MAK16: variants seen among roughly 807,000 people sequenced by gnomAD.
MAK16 encodes the protein protein MAK16 homolog.
A neutral mutation model predicts 49.9 loss-of-function variants in MAK16; 12 were observed. The ratio of observed to expected loss-of-function variants is 0.24; its 90% confidence interval spans 0.15 to 0.39. The LOEUF (loss-of-function observed/expected upper bound fraction) is 0.39. MAK16 is among the 10% of genes least tolerant of loss of function. The pLI is 1.00. For missense variants in MAK16, 292 were observed against 363.7 expected (o/e 0.80, Z 1.60); for synonymous variants, 115 against 126.4 (o/e 0.91, Z 0.60).
Position 33,488,621 on chromosome 8 carries a change from A to G in MAK16, c.167A>G (p.Glu56Gly). The change falls in exon 3 of 10, where the codon GAA (glutamate) becomes GGA (glycine). Residue 56 changes from glutamate (E) to glycine (G), a missense_variant. Coordinates refer to ENST00000360128, the MANE Select transcript of MAK16 (RefSeq NM_032509.4). ...LANSQYATIK[E>G]EKGQCYLYMK... ...AATAGTCAGTATGCCACTATTAAAG[A>G]AGAGAAAGGTAACTCCCCAGTTTTA... 2 of 1,614,088 alleles carry G rather than the reference A, an allele frequency of 1.2e-6. No individual in the cohort carries two copies. The highest frequency in any genetic ancestry group is 1.7e-6 in the Non-Finnish European group (2 of 1,179,954).
chr8:33,487,800 A>T (rs1226125278), intron 1 of MAK16, among the ~76,000 whole-genome samples: 2 of 152,256 alleles, frequency 1.3e-5, no homozygotes, highest in Non-Finnish European at 2.9e-5. Flanking sequence ...GATTTCACAG[A>T]GTATGTCAAA....
At position 33,499,144 on chromosome 8, in the gene MAK16, C is replaced by T. The variant is rs1428324040; in HGVS notation, c.*515C>T. ...ATACAAATTGGGATGGGAAGAAAAT[C>T]CTTTCCTCTTGGGAAAGTAATACAA... On this transcript the variant is annotated 3_prime_UTR_variant, in exon 10 of 10. Transcript: ENST00000360128. The T allele has an allele frequency of 3.2e-6, 5 of 1,555,232 alleles. No homozygotes were observed. Among genetic ancestry groups the T allele is most frequent in the Non-Finnish European group, 3.6e-6 (4 of 1,126,676 alleles).
intron 6 of MAK16, among the ~76,000 whole-genome samples, chr8:33,492,723 T>C (rs1808797159): frequency 6.6e-6 from 1 of 152,210 alleles, no homozygotes; most frequent in Non-Finnish European, 1.5e-5. Flanking sequence ...TGGAATTGTT[T>C]CTGGGTTCTC....
rs1808988848 is a variant in MAK16, at chr8:33,499,582, C to T, written c.*953C>T. On this transcript the variant is annotated 3_prime_UTR_variant, in exon 10 of 10. Coordinates refer to ENST00000360128, the MANE Select transcript of MAK16 (RefSeq NM_032509.4). The stretch of plus-strand genomic sequence containing the variant: ...GTTGGATCTAGGGCTTGAAAACTGC[C>T]CAAGATTAAAGAGCTAAGATGAAAT... The T allele has an allele frequency of 1.1e-5, 3 of 279,572 alleles. No homozygotes were observed. In the South Asian group the frequency reaches 1.4e-4, roughly 13 times the overall value. 17.3% of individuals were successfully genotyped at this position (279,572 alleles called of 1,614,324 possible).
At position 33,499,692 on chromosome 8, in the gene MAK16, T is replaced by G. The variant is rs1808993258; in HGVS notation, c.*1063T>G. ...AATTTTTTTTTCCTGCTGGGTAGAT[T>G]GTCCAGTGACTTATGGCATGAATTT... On this transcript the variant is annotated 3_prime_UTR_variant, in exon 10 of 10. Coordinates refer to ENST00000360128, the MANE Select transcript of MAK16 (RefSeq NM_032509.4). 1 of 176,846 alleles carries G rather than the reference T, an allele frequency of 5.7e-6. No individual in the cohort carries two copies. The allele number at this position is 176,846 out of a possible 1,614,324, so 11.0% of individuals were successfully genotyped here.
intron 7 of MAK16, 73 bp from the exon 8 acceptor site, chr8:33,496,552 T>G: frequency 8.9e-7 from 1 of 1,125,204 alleles, no homozygotes; most frequent in Non-Finnish European, 1.3e-6. Context: ...AAAGTAATAT[T>G]CTCCACAGAA....
At chr8:33,485,376 A>C in intron 1 of MAK16, 155 bp downstream of exon 1, 3 of 986,832 alleles carry the variant, frequency 3.0e-6, no homozygotes, top group Non-Finnish European at 4.7e-6. Flanking sequence ...ATAGGTTCTC[A>C]CGCGTGTCTA....
chr8:33,499,405 A>C lies in MAK16; in HGVS notation c.*776A>C. 3 of 711,728 alleles carry C rather than the reference A, an allele frequency of 4.2e-6. No homozygotes were observed. The highest frequency in any genetic ancestry group is 7.5e-6 in the Non-Finnish European group (3 of 402,256). 44.1% of individuals were successfully genotyped at this position (711,728 alleles called of 1,614,324 possible). A position where few individuals can be genotyped will look rare whatever the true frequency, so the allele number is the denominator to read the frequency against. On this transcript the variant is annotated 3_prime_UTR_variant, in exon 10 of 10. Transcript: ENST00000360128. ...AATGGATGACACTTAGGGACAGGTC[A>C]CTAAGCAGAATAGGTATTAGTTGGT...
chr8:33,491,092 A>G (rs564392498), intron 6 of MAK16, among the ~76,000 whole-genome samples: 1 of 152,218 alleles, frequency 6.6e-6, no homozygotes, highest in Non-Finnish European at 1.5e-5. Flanking sequence ...GGTTCCATCC[A>G]TGTTGTTACA....
At position 33,485,199 on chromosome 8, in the gene MAK16, C is replaced by G. The variant is rs1366342146; in HGVS notation, c.-8C>G. On this transcript the variant is annotated 5_prime_UTR_variant, in exon 1 of 10. Coordinates refer to ENST00000360128, the MANE Select transcript of MAK16 (RefSeq NM_032509.4). ...CGACCGGAAGTTGCACGCTGAGCCG[C>G]GGACACCATGCAGTCGGATGATGTG... The G allele has an allele frequency of 3.7e-6, 6 of 1,614,054 alleles. No individual in the cohort carries two copies. Among genetic ancestry groups the G allele is most frequent in the Non-Finnish European group, 5.1e-6 (6 of 1,180,044 alleles).
rs1808720911 is a variant in MAK16, at chr8:33,488,395, A to G, written c.33A>G (p.Leu11=). The G allele has an allele frequency of 1.2e-6, 2 of 1,614,122 alleles. No individual in the cohort carries two copies. The highest frequency in any genetic ancestry group is 1.7e-6 in the Non-Finnish European group (2 of 1,180,040). The change falls in exon 2 of 10, where the codon CTA becomes CTG. Residue 11 remains leucine, a synonymous_variant. Transcript: ENST00000360128. ...TCTTGCAGGTTATCTGGGATACACT[A>G]GGAAACAAGCAATTTTGTTCCTTCA... The part of the protein sequence containing the change: MQSDDVIWDT[L]GNKQFCSFKI...
chr8:33,498,096 CAAAA>C (rs71209938), intron 9 of MAK16, among the ~76,000 whole-genome samples: 2 of 122,446 alleles, frequency 1.6e-5, no homozygotes. Context: ...ACTCCGTCTC[CAAAA>C]AAAAAAAAAA....
chr8:33,492,868 T>G (rs1808799450), intron 6 of MAK16, among the ~76,000 whole-genome samples: 1 of 152,094 alleles, frequency 6.6e-6, no homozygotes, highest in Non-Finnish European at 1.5e-5. Flanking sequence ...TTTGTTGTTT[T>G]TTTTTGTTTG....
intron 1 of MAK16, among the ~76,000 whole-genome samples, chr8:33,487,656 C>A (rs773710659): frequency 1.4e-4 from 20 of 145,954 alleles, no homozygotes; most frequent in Non-Finnish European, 1.1e-4. Context: ...CTCCCAACCT[C>A]AAGTGATCCG....
At chr8:33,495,858 A>G (rs913452216) in intron 7 of MAK16, among the ~76,000 whole-genome samples, 2 of 151,678 alleles carry the variant, frequency 1.3e-5, no homozygotes, top group African/African-American at 4.8e-5. Flanking sequence ...TTGGGATTAC[A>G]GGCACCACCA....
Position 33,498,773 on chromosome 8 carries a change from G to A in MAK16, c.*144G>A, listed in dbSNP as rs902561340. 2.9e-5 allele frequency: 21 copies of A among 722,636 alleles called. No homozygotes were observed. The highest frequency in any genetic ancestry group is 3.6e-5 in the Non-Finnish European group (16 of 443,996). The allele number at this position is 722,636 out of a possible 1,614,324, so 44.8% of individuals were successfully genotyped here. A position where few individuals can be genotyped will look rare whatever the true frequency, so the allele number is the denominator to read the frequency against. ...TTTGTGTTTTTATTATTTATGCCAC[G>A]TCAGTGGGGCAAGAAATCTGGAGTG... On this transcript the variant is annotated 3_prime_UTR_variant, in exon 10 of 10. Transcript: ENST00000360128.
chr8:33,489,461 C>T lies in MAK16; in HGVS notation c.392+322C>T, dbSNP rs1370494265. ...GCGCGACCTCAGCTCACTGCAACCT[C>T]CATCTCCCCGGTTGAAGCAATCCTC... On this transcript the variant is annotated intron_variant, in intron 5 of 9. Coordinates refer to ENST00000360128, the MANE Select transcript of MAK16 (RefSeq NM_032509.4). This position sits in a 1 kb window ranked among gnomAD's most constrained non-coding sequence, Gnocchi z 4.2. 6.6e-6 allele frequency among the ~76,000 whole-genome samples: 1 copy of T among 152,200 alleles called. No individual in the cohort carries two copies. The highest frequency in any genetic ancestry group is 2.4e-5 in the African/African-American group (1 of 41,448).
intron 2 of MAK16, 28 bp from the exon 3 acceptor site, chr8:33,488,489 TATA>T (rs1808722524): frequency 6.2e-7 from 1 of 1,613,842 alleles, no homozygotes; most frequent in East Asian, 2.2e-5. Context: ...CAACCCATTT[TATA>T]ATCTTTGTTT....
chr8:33,498,678 T>TG lies in MAK16; in HGVS notation c.*49_*50insG. The TG allele has an allele frequency of 1.3e-6, 2 of 1,522,882 alleles. No homozygotes were observed. The highest frequency in any genetic ancestry group is 2.0e-5 in the Admixed American group (1 of 49,292). 94.3% of individuals were successfully genotyped at this position (1,522,882 alleles called of 1,614,324 possible). A position where few individuals can be genotyped will look rare whatever the true frequency, so the allele number is the denominator to read the frequency against. ...AGGACTGAACATGCAGAACTGTTTT[T>TG]TTTTTTTTTTTATCTTAAACACATA... On this transcript the variant is annotated 3_prime_UTR_variant, in exon 10 of 10. Coordinates refer to ENST00000360128, the MANE Select transcript of MAK16 (RefSeq NM_032509.4).
Sources: gnomAD v4.1 joint callset for allele counts (sites outside exome capture counted in the v4.1 genomes callset) on GRCh38, gnomAD v4.1.1 for gene constraint, Gnocchi (gnomAD v3.1) non-coding constraint, MANE v1.5 for transcripts, NCBI Gene and HGNC (gene_info 2026-07-23, HGNC 2026-07-21) for gene names.